The following SEC63 variants were observed in gnomAD, a reference collection of about 807,000 sequenced individuals.
SEC63 encodes SEC63 protein translocation regulator, also known as translocation protein SEC63 homolog.
Under a neutral mutation model 116.2 loss-of-function variants are expected in SEC63, and 56 were observed. That is an observed-to-expected ratio of 0.48 (90% CI 0.39 to 0.60). The LOEUF is 0.60. Among genes scored for constraint, SEC63 ranks in the 20% least tolerant of loss-of-function variants. The pLI is 0.00. For synonymous variants in SEC63, 273 were observed against 294.6 expected (o/e 0.93, Z 0.75); for missense variants, 668 against 900.0 (o/e 0.74, Z 3.30).
intron 11 of SEC63, among the ~76,000 whole-genome samples, chr6:107,904,118 CAAA>C (rs34728125): frequency 8.2e-6 from 1 of 121,392 alleles, no homozygotes; most frequent in African/African-American, 3.1e-5. Context: ...ACTCTGTCTC[CAAA>C]AAAAAAAAAA....
intron 16 of SEC63, among the ~76,000 whole-genome samples, chr6:107,888,076 G>A (rs183750183): frequency 5.3e-5 from 8 of 152,234 alleles, no homozygotes; most frequent in African/African-American, 1.9e-4. Context: ...GGCTATGCGG[G>A]CTCTTTTTTG....
chr6:107,933,657 CCTGCCT>C (rs1355877856), intron 1 of SEC63, among the ~76,000 whole-genome samples: 4 of 151,236 alleles, frequency 2.6e-5, no homozygotes, highest in Non-Finnish European at 5.9e-5. Flanking sequence ...TAAAGAAACA[CCTGCCT>C]CTGCCTCTGC....
intron 3 of SEC63, among the ~76,000 whole-genome samples, chr6:107,923,689 G>A (rs1787606423): frequency 7.0e-6 from 1 of 141,966 alleles, no homozygotes; most frequent in South Asian, 2.1e-4. Flanking sequence ...TCACACCCAG[G>A]TAATTTTTTT....
At chr6:107,935,791 AAAAATAAAAT>A (rs146997337) in intron 1 of SEC63, among the ~76,000 whole-genome samples, 16,067 of 151,976 alleles carry the variant, frequency 0.11, 941 homozygotes, top group East Asian at 0.21. Context: ...ATCAATTAAA[AAAAATAAAAT>A]AAAATAAAAT....
At chr6:107,896,782 CA>C (rs2114432719) in intron 14 of SEC63, among the ~76,000 whole-genome samples, 1 of 152,136 alleles carries the variant, frequency 6.6e-6, no homozygotes, top group South Asian at 2.1e-4. Flanking sequence ...AGTTCAAGAC[CA>C]GCCTGGTCAA....
intron 12 of SEC63, 130 bp downstream of exon 12, chr6:107,902,714 T>C (rs1202531340): frequency 2.3e-6 from 2 of 869,144 alleles, no homozygotes; most frequent in African/African-American, 3.4e-5. Context: ...TGAGAGAAAG[T>C]TTTAGAGTAT....
chr6:107,901,623 GA>G (rs1787006594), intron 12 of SEC63, 106 bp from the exon 13 acceptor site: 1 of 772,870 alleles, frequency 1.3e-6, no homozygotes, highest in Non-Finnish European at 2.1e-6. Flanking sequence ...GCAACTTTTA[GA>G]AAAGTGTTGA....
intron 1 of SEC63, among the ~76,000 whole-genome samples, chr6:107,942,269 C>T (rs1179022624): frequency 6.6e-6 from 1 of 152,160 alleles, no homozygotes; most frequent in African/African-American, 2.4e-5. Flanking sequence ...CAGGACTATA[C>T]ATCCTTTTCA....
intron 16 of SEC63, among the ~76,000 whole-genome samples, chr6:107,883,917 G>C (rs1786469245): frequency 6.6e-6 from 1 of 151,890 alleles, no homozygotes; most frequent in Non-Finnish European, 1.5e-5. Context: ...CAAAATACTA[G>C]CTCACTTTAA....
chr6:107,906,886 A>C (rs1467814217), intron 8 of SEC63, 109 bp from the exon 9 acceptor site: 1 of 797,948 alleles, frequency 1.3e-6, no homozygotes, highest in Non-Finnish European at 2.2e-6. Context: ...AAACATGCAC[A>C]ATGCTAAAAA....
At chr6:107,872,578 T>C (rs1786160670) in intron 20 of SEC63, among the ~76,000 whole-genome samples, 1 of 151,936 alleles carries the variant, frequency 6.6e-6, no homozygotes, top group South Asian at 2.1e-4. Flanking sequence ...CACATTAAAA[T>C]GCATCCCTAA....
intron 1 of SEC63, among the ~76,000 whole-genome samples, chr6:107,931,642 G>A (rs113667582): frequency 0.047 from 7,156 of 151,284 alleles, 520 homozygotes; most frequent in African/African-American, 0.16. Flanking sequence ...CCAGCTACTC[G>A]GGAGGCTGAG....
chr6:107,918,720 A>C (rs2114471104), intron 4 of SEC63, among the ~76,000 whole-genome samples: 1 of 151,776 alleles, frequency 6.6e-6, no homozygotes, highest in Non-Finnish European at 1.5e-5. Flanking sequence ...AACAAAAAGA[A>C]GACATACACT....
At chr6:107,913,215 A>T (rs955661349) in intron 5 of SEC63, 151 bp downstream of exon 5, 7 of 634,204 alleles carry the variant, frequency 1.1e-5, no homozygotes, top group Non-Finnish European at 1.9e-5. Context: ...AAAGAAAAAT[A>T]AAGCAAAAAT....
chr6:107,868,751 CA>C lies in SEC63; in HGVS notation c.*2952del, dbSNP rs1786057360. The C allele has an allele frequency of 1.3e-5, 2 of 151,802 alleles. No homozygotes were observed. Among genetic ancestry groups the C allele is most frequent in the South Asian group, 4.1e-4 (2 of 4,824 alleles). The allele number at this position is 151,802 out of a possible 1,614,324, so 9.4% of individuals were successfully genotyped here. ...ATTGCCACTCATCTACCTGCTCTAACACCAGCGAGTGAGTTCTTAACACTAT... is the reference window on the plus strand; with the variant it reads ...ATTGCCACTCATCTACCTGCTCTAACCCAGCGAGTGAGTTCTTAACACTAT... On this transcript the variant is annotated 3_prime_UTR_variant, in exon 21 of 21. Transcript: ENST00000369002.
intron 1 of SEC63, among the ~76,000 whole-genome samples, chr6:107,937,284 G>C (rs1192361923): frequency 6.6e-6 from 1 of 151,920 alleles, no homozygotes; most frequent in Non-Finnish European, 1.5e-5. Context: ...CACCACACCC[G>C]GCTAGCTAAT....
intron 10 of SEC63, among the ~76,000 whole-genome samples, chr6:107,905,689 TGA>T (rs1431221439): frequency 6.6e-6 from 1 of 151,816 alleles, no homozygotes; most frequent in East Asian, 1.9e-4. Flanking sequence ...GATGGGGAGG[TGA>T]GAGGTGTTGG....
intron 1 of SEC63, among the ~76,000 whole-genome samples, chr6:107,956,554 C>G (rs1324530750): frequency 1.3e-5 from 2 of 152,092 alleles, no homozygotes; most frequent in Non-Finnish European, 2.9e-5. Context: ...TCATAAACTA[C>G]CCATTGAGTA....
At chr6:107,888,233 T>C (rs1022707432) in intron 16 of SEC63, among the ~76,000 whole-genome samples, 4 of 152,194 alleles carry the variant, frequency 2.6e-5, no homozygotes, top group African/African-American at 9.7e-5. Flanking sequence ...GAGCATGTAA[T>C]GTTTTCCATT....
Sources: gnomAD v4.1 joint callset for allele counts (sites outside exome capture counted in the v4.1 genomes callset) on GRCh38, gnomAD v4.1.1 for gene constraint, MANE v1.5 for transcripts, NCBI Gene and HGNC (gene_info 2026-07-23, HGNC 2026-07-21) for gene names.